Variants in COL5A1 observed in about 807,000 individuals in gnomAD.
The protein encoded by COL5A1 is collagen type V alpha 1 chain, also known as collagen alpha-1(V) chain.
Under a neutral mutation model 263.7 loss-of-function variants are expected in COL5A1, and 16 were observed. That is an observed-to-expected ratio of 0.06 (90% CI 0.04 to 0.09). COL5A1 has a LOEUF of 0.09. Among genes scored for constraint, COL5A1 ranks in the 10% least tolerant of loss-of-function variants. The probability of loss-of-function intolerance (pLI) is 1.00; values close to 1 mark genes in which losing one functional copy is unlikely to be tolerated. For synonymous variants in COL5A1, 1,012 were observed against 1,004.5 expected, an observed-to-expected ratio of 1.01 and a Z score of -0.14; for missense variants, 2,036 against 2,540.5, an observed-to-expected ratio of 0.80 and a Z score of 4.27.
At chr9:134,714,627 T>TG (rs1421858578) in intron 4 of COL5A1, among the ~76,000 whole-genome samples, 1 of 138,002 alleles carries the variant, frequency 7.2e-6, no homozygotes, top group Non-Finnish European at 1.6e-5. Flanking sequence ...ATGAAGGTGG[T>TG]GGTGGAGGTG....
At chr9:134,713,231 T>A (rs574063996) in intron 4 of COL5A1, among the ~76,000 whole-genome samples, 1 of 152,372 alleles carries the variant, frequency 6.6e-6, no homozygotes, top group Admixed American at 6.5e-5. Flanking sequence ...GCCTGAGCCC[T>A]ACCCCACTGG....
At chr9:134,684,097 AG>A in intron 1 of COL5A1, among the ~76,000 whole-genome samples, 1 of 152,262 alleles carries the variant, frequency 6.6e-6, no homozygotes, top group South Asian at 2.1e-4. Context: ...TTCTTTCATG[AG>A]GGGCCCCACT....
At chr9:134,828,996 G>GCACACA (rs1270909807) in intron 63 of COL5A1, among the ~76,000 whole-genome samples, 1 of 150,108 alleles carries the variant, frequency 6.7e-6, no homozygotes, top group African/African-American at 2.5e-5. Flanking sequence ...CACCATGCAC[G>GCACACA]CGCACACACA....
intron 63 of COL5A1, among the ~76,000 whole-genome samples, chr9:134,826,650 GTGGCTGGTGGA>G (rs1564488879): frequency 9.1e-6 from 1 of 110,330 alleles, no homozygotes; most frequent in African/African-American, 5.0e-5. Flanking sequence ...GTGGGTGCAT[GTGGCTGGTGGA>G]TGGGTGTGTG....
rs765743700 is a variant in COL5A1 at position 134,772,844 on chromosome 9, C to T, written c.2331+10C>T. ...AGAGAAAGGAGGTCAGGTGGGTGCT[C>T]GCCACGCCCTCCTACCCTTCAGCAT... On this transcript the variant is annotated intron_variant, in intron 26 of 65. Transcript: ENST00000371817. 7.4e-6 allele frequency: 12 copies of T among 1,613,426 alleles called. No individual in the cohort carries two copies. The highest frequency in any genetic ancestry group is 2.2e-5 in the South Asian group (2 of 91,076).
chr9:134,760,325 C>CACACCCACACACCCCCACACATA (rs1836310174), intron 18 of COL5A1, among the ~76,000 whole-genome samples: 1 of 84,264 alleles, frequency 1.2e-5, no homozygotes, highest in African/African-American at 5.9e-5. Flanking sequence ...CATGCACACA[C>CACACCCACACACCCCCACACATA]CACACATGCA....
At position 134,652,667 on chromosome 9, in the gene COL5A1, C is replaced by A; in HGVS notation, c.109+10371C>A. 2.1e-6 allele frequency: 1 copy of A among 470,710 alleles called. No individual in the cohort carries two copies. The highest frequency in any genetic ancestry group is 4.4e-6 in the Non-Finnish European group (1 of 226,862). The allele number at this position is 470,710 out of a possible 1,614,324, so 29.2% of individuals were successfully genotyped here. ...GACCCAGCCCGGAGGCTGCAGGAATCGTGGGATAGAGGAAGCAAAGGTGAG... is the reference window on the plus strand; with the variant it reads ...GACCCAGCCCGGAGGCTGCAGGAATAGTGGGATAGAGGAAGCAAAGGTGAG... On this transcript the variant is annotated intron_variant, in intron 1 of 65. Coordinates refer to ENST00000371817, the MANE Select transcript of COL5A1 (RefSeq NM_000093.5). The surrounding 1 kb of genome is among the most constrained non-coding windows in gnomAD (Gnocchi z 4.4).
Position 134,730,358 on chromosome 9 carries a change from C to T in COL5A1, c.1047C>T (p.Pro349=), listed in dbSNP as rs1834834118. The T allele has an allele frequency of 6.2e-7, 1 of 1,614,254 alleles. No individual in the cohort carries two copies. Among genetic ancestry groups the T allele is most frequent in the Non-Finnish European group, 8.5e-7 (1 of 1,180,042 alleles). ...TGCCCAGTGAGGACTACTACACGCC[C>T]TCACCGTATGATGACCTCACCTATG... ...DYVPSEDYYT[P]SPYDDLTYGE... Residue 349 remains proline (P), a synonymous_variant, in exon 7 of 66, where the codon CCC becomes CCT. Coordinates refer to ENST00000371817, the MANE Select transcript of COL5A1 (RefSeq NM_000093.5).
At chr9:134,691,875 A>G (rs1193448350) in intron 2 of COL5A1, 2 of 152,254 alleles carry the variant, frequency 1.3e-5, no homozygotes, top group African/African-American at 4.8e-5. Context: ...AAGACAGCGC[A>G]GCATCTTTTT....
intron 65 of COL5A1, among the ~76,000 whole-genome samples, chr9:134,837,056 CA>C (rs1839875784): frequency 6.6e-6 from 1 of 152,220 alleles, no homozygotes; most frequent in Admixed American, 6.5e-5. Context: ...GGGAGCATGT[CA>C]AACCATGCCT....
intron 64 of COL5A1, among the ~76,000 whole-genome samples, chr9:134,831,576 G>A (rs1245168756): frequency 1.3e-5 from 2 of 152,208 alleles, no homozygotes; most frequent in African/African-American, 4.8e-5. Context: ...GGCAAGGAAG[G>A]GGCCCTGGGG....
At chr9:134,811,429 A>AC (rs1358905215) in intron 45 of COL5A1, 37 bp downstream of exon 45, 2 of 1,612,990 alleles carry the variant, frequency 1.2e-6, no homozygotes, top group African/African-American at 2.7e-5. Context: ...GAAAAGCCCC[A>AC]CGCCCCCCCA....
At chr9:134,813,517 C>T (rs1043101301) in intron 48 of COL5A1, among the ~76,000 whole-genome samples, 6 of 152,210 alleles carry the variant, frequency 3.9e-5, no homozygotes, top group Non-Finnish European at 5.9e-5. Flanking sequence ...CTCAGAGAGG[C>T]GGTGTTTTCC....
chr9:134,685,625 CCATCCATCCACCA>C, intron 1 of COL5A1, among the ~76,000 whole-genome samples: 1 of 139,774 alleles, frequency 7.2e-6, no homozygotes, highest in Non-Finnish European at 1.6e-5. Flanking sequence ...CATCCACCAT[CCATCCATCCACCA>C]TCCATCCATG....
At chr9:134,806,922 G>A (rs1449321120) in intron 42 of COL5A1, among the ~76,000 whole-genome samples, 1 of 152,194 alleles carries the variant, frequency 6.6e-6, no homozygotes, top group Non-Finnish European at 1.5e-5. Flanking sequence ...GAATTTTGCA[G>A]GCTTTGTGAA....
At chr9:134,731,336 G>A (rs1458569582) in intron 7 of COL5A1, among the ~76,000 whole-genome samples, 160 bp from the exon 8 acceptor site, 2 of 152,184 alleles carry the variant, frequency 1.3e-5, no homozygotes, top group Non-Finnish European at 2.9e-5. Context: ...GGGGGTCTCT[G>A]CCCAGTTGAC....
chr9:134,721,324 C>T (rs1014270402), intron 4 of COL5A1, among the ~76,000 whole-genome samples: 1 of 151,326 alleles, frequency 6.6e-6, no homozygotes, highest in Non-Finnish European at 1.5e-5. Context: ...CTAGGACCAC[C>T]CTGTAACCTC....
At chr9:134,736,494 C>T (rs538333634) in intron 9 of COL5A1, among the ~76,000 whole-genome samples, 18 of 152,348 alleles carry the variant, frequency 1.2e-4, no homozygotes, top group Non-Finnish European at 2.9e-5. Flanking sequence ...GCCTGGTGAC[C>T]TAATCACCTC....
intron 44 of COL5A1, among the ~76,000 whole-genome samples, chr9:134,811,059 G>A (rs554769829): frequency 4.6e-5 from 7 of 152,192 alleles, no homozygotes; most frequent in Non-Finnish European, 1.0e-4. Flanking sequence ...TGCCCCTGTT[G>A]TGGGTGCATG....
Sources: allele counts gnomAD v4.1 joint callset (sites outside exome capture counted in the v4.1 genomes callset), GRCh38; gene constraint gnomAD v4.1.1; non-coding constraint Gnocchi (gnomAD v3.1); transcripts MANE v1.5; gene names NCBI Gene and HGNC (gene_info 2026-07-23, HGNC 2026-07-21).